Variants in PYM1 observed in about 807,000 individuals in gnomAD.
PYM1 encodes partner of Y14 and mago.
A neutral mutation model predicts 20.7 loss-of-function variants in PYM1; 7 were observed. The ratio of observed to expected loss-of-function variants is 0.34; its 90% CI spans 0.19 to 0.64. The LOEUF (loss-of-function observed/expected upper bound fraction) is 0.64, where lower values mean the gene tolerates loss of function less well. Ranked by LOEUF, PYM1 falls within the 30% of genes least tolerant of loss-of-function variation. PYM1 has a pLI of 0.74. For synonymous variants in PYM1, 100 were observed against 99.2 expected (o/e 1.01, Z -0.05); for missense variants, 194 against 250.0 (o/e 0.78, Z 1.51).
rs185334448 is a variant in PYM1 at position 55,927,880 on chromosome 12, C to T, written c.-119G>A. ...GGCCCTAGTTGCTTCTCGCCCAGAC[C>T]TCCTAACCCTGAGTGCCTCCTCGGG... On this transcript the variant is annotated 5_prime_UTR_variant, in exon 1 of 3. Coordinates refer to ENST00000408946, the MANE Select transcript of PYM1 (RefSeq NM_032345.3). 405 of 1,338,308 alleles carry T rather than the reference C, an allele frequency of 3.0e-4. 3 individuals are homozygous for T. The African/African-American group carries it at 5.2e-3, about 17-fold the overall frequency. The allele number at this position is 1,338,308 out of a possible 1,614,324, so 82.9% of individuals were successfully genotyped here.
intron 1 of PYM1, among the ~76,000 whole-genome samples, chr12:55,921,810 A>C (rs1266810958): frequency 1.3e-5 from 2 of 152,236 alleles, no homozygotes; most frequent in East Asian, 3.8e-4. Flanking sequence ...CACATCTATA[A>C]GTCCATATTG....
intron 1 of PYM1, chr12:55,927,239 G>A (rs1335278148): frequency 7.6e-7 from 1 of 1,320,190 alleles, no homozygotes; most frequent in Non-Finnish European, 1.1e-6. Flanking sequence ...TTCATGGGCG[G>A]AGGTGGAGGA....
At chr12:55,907,017 G>C (rs1335053256) in intron 1 of PYM1, among the ~76,000 whole-genome samples, 1 of 151,016 alleles carries the variant, frequency 6.6e-6, no homozygotes, top group Non-Finnish European at 1.5e-5. Context: ...CAGGGACAAA[G>C]AAAAAGGTGT....
In PYM1 at chr12:55,901,784, C is replaced by A; in HGVS notation, c.*88G>T. ...GGAAGTAAGCCAGTATGGGGGGTACCCCTCCTGACTGCTGTTGCCCGTATT... is the reference window on the plus strand; with the variant it reads ...GGAAGTAAGCCAGTATGGGGGGTACACCTCCTGACTGCTGTTGCCCGTATT... On this transcript the variant is annotated 3_prime_UTR_variant, in exon 3 of 3. Transcript: ENST00000408946. 1 of 1,507,310 alleles carries A rather than the reference C, an allele frequency of 6.6e-7. No individual in the cohort carries two copies. The highest frequency in any genetic ancestry group is 1.3e-5 in the South Asian group (1 of 74,456). 93.4% of individuals were successfully genotyped at this position (1,507,310 alleles called of 1,614,324 possible).
chr12:55,918,965 G>A (rs186399710), intron 1 of PYM1, among the ~76,000 whole-genome samples: 75 of 152,260 alleles, frequency 4.9e-4, no homozygotes, highest in African/African-American at 1.8e-3. Flanking sequence ...TTAAACAGGG[G>A]TTATCCCTAA....
intron 1 of PYM1, among the ~76,000 whole-genome samples, chr12:55,909,187 A>C: frequency 6.8e-6 from 1 of 146,206 alleles, no homozygotes; most frequent in East Asian, 1.9e-4. Context: ...AAGAATAAAA[A>C]CCAAAGAAAA....
intron 1 of PYM1, among the ~76,000 whole-genome samples, chr12:55,913,015 C>T (rs12317296): frequency 1.2e-4 from 19 of 152,150 alleles, no homozygotes; most frequent in African/African-American, 4.6e-4. Context: ...CTCAACCTGA[C>T]CCATGTCTCT....
At chr12:55,902,411 T>C (rs1882710286) in intron 2 of PYM1, 56 bp from the exon 3 acceptor site, 1 of 1,542,546 alleles carries the variant, frequency 6.5e-7, no homozygotes, top group Non-Finnish European at 8.7e-7. Flanking sequence ...TTTTGATCCC[T>C]TTTCTTAAAC....
chr12:55,918,513 ACT>A (rs1363082573), intron 1 of PYM1, among the ~76,000 whole-genome samples: 1 of 152,202 alleles, frequency 6.6e-6, no homozygotes, highest in East Asian at 1.9e-4. Context: ...TAGGAGGATC[ACT>A]TGAGCCCAGG....
intron 1 of PYM1, among the ~76,000 whole-genome samples, chr12:55,920,535 G>C (rs991095832): frequency 6.6e-6 from 1 of 151,694 alleles, no homozygotes; most frequent in Non-Finnish European, 1.5e-5. Context: ...CTACTCGGGA[G>C]GCTGAGGCAG....
chr12:55,910,273 ATATATATATATAT>A (rs933861012), intron 1 of PYM1, among the ~76,000 whole-genome samples: 5 of 140,230 alleles, frequency 3.6e-5, no homozygotes, highest in South Asian at 2.1e-4. Flanking sequence ...ATATATATAT[ATATATATATATAT>A]AAAATTTTTT....
chr12:55,925,845 A>G (rs1462834729), intron 1 of PYM1, among the ~76,000 whole-genome samples: 1 of 152,224 alleles, frequency 6.6e-6, no homozygotes, highest in Non-Finnish European at 1.5e-5. Flanking sequence ...AGAGAAGTAT[A>G]CTGGATAAGT....
Position 55,905,921 on chromosome 12 carries a change from T to TA in PYM1, c.38-2442_38-2441insT, listed in dbSNP as rs1321814259. Among the ~76,000 whole-genome samples, 3 of 103,184 alleles carry TA rather than the reference T, an allele frequency of 2.9e-5. 1 individual carries two copies. The highest frequency in any genetic ancestry group is 9.2e-5 in the African/African-American group (2 of 21,676). The allele number at this position is 103,184 out of a possible 152,430, so 67.7% of individuals were successfully genotyped here. ...ATATATCTAATAGATATATATATTA[T>TA]TATATATATCTAATAGATATATATA... is the stretch of plus-strand genomic sequence containing the variant. On this transcript the variant is annotated intron_variant, in intron 1 of 2. Coordinates refer to ENST00000408946, the MANE Select transcript of PYM1 (RefSeq NM_032345.3).
At chr12:55,902,828 G>A (rs1054460549) in intron 2 of PYM1, among the ~76,000 whole-genome samples, 10 of 148,956 alleles carry the variant, frequency 6.7e-5, no homozygotes, top group East Asian at 4.0e-4. Flanking sequence ...GTGCACTGGC[G>A]CAATCTCAGC....
intron 1 of PYM1, among the ~76,000 whole-genome samples, chr12:55,909,076 T>C (rs1414373452): frequency 6.6e-6 from 1 of 151,564 alleles, no homozygotes; most frequent in Non-Finnish European, 1.5e-5. Flanking sequence ...AAATGAAAAA[T>C]GGGGTAATCG....
Position 55,902,109 on chromosome 12 carries a change from A to C in PYM1, c.378T>G (p.Ser126Arg), listed in dbSNP as rs758932163. ...VSLEETAQLP[S>R]APQGSRAAPT... ...GGGCTGCCCGAGAGCCCTGTGGAGC[A>C]CTGGGGAGTTGGGCTGTCTCTTCCA... Residue 126 changes from serine (S) to arginine (R), a missense_variant, in exon 3 of 3, where the codon AGT becomes AGG. Physicochemically the swap from Ser to Arg is moderately radical, Grantham distance 110. Transcript: ENST00000408946. 6.2e-7 allele frequency: 1 copy of C among 1,614,066 alleles called. No individual in the cohort carries two copies. The highest frequency in any genetic ancestry group is 2.2e-5 in the East Asian group (1 of 44,856).
At chr12:55,909,109 C>A (rs932880427) in intron 1 of PYM1, among the ~76,000 whole-genome samples, 2 of 151,996 alleles carry the variant, frequency 1.3e-5, no homozygotes, top group Non-Finnish European at 2.9e-5. Context: ...AAAACAAGGT[C>A]AAGAACTTTG....
At chr12:55,922,503 G>C (rs887833560) in intron 1 of PYM1, among the ~76,000 whole-genome samples, 1 of 147,768 alleles carries the variant, frequency 6.8e-6, no homozygotes, top group Non-Finnish European at 1.5e-5. Context: ...TGTGGTCCTA[G>C]ATACTCAGGA....
At chr12:55,904,562 C>T (rs1314530932) in intron 1 of PYM1, among the ~76,000 whole-genome samples, 1 of 129,066 alleles carries the variant, frequency 7.7e-6, no homozygotes, top group African/African-American at 2.9e-5. Context: ...CGCCACTGCA[C>T]TCCAGCCTGG....
Sources: allele counts gnomAD v4.1 joint callset (sites outside exome capture counted in the v4.1 genomes callset), GRCh38; gene constraint gnomAD v4.1.1; transcripts MANE v1.5; gene names NCBI Gene and HGNC (gene_info 2026-07-23, HGNC 2026-07-21).